Variants in CTXND1 observed in about 807,000 individuals in gnomAD.
CTXND1 encodes the protein cortexin domain-containing 1 protein.
At chr15:80,231,489 A>C (rs1321014456) in intron 1 of CTXND1, among the ~76,000 whole-genome samples, 1 of 152,220 alleles carries the variant, frequency 6.6e-6, no homozygotes, top group African/African-American at 2.4e-5. Context: ...CATGGCTCTA[A>C]ACCATGGGAG....
intron 1 of CTXND1, among the ~76,000 whole-genome samples, chr15:80,206,180 C>T (rs1417377943): frequency 1.3e-5 from 2 of 152,194 alleles, no homozygotes; most frequent in Non-Finnish European, 2.9e-5. Context: ...CATTAGTACA[C>T]TTCACTTCAA....
At chr15:80,216,099 C>G (rs906021503) in intron 1 of CTXND1, among the ~76,000 whole-genome samples, 2 of 152,192 alleles carry the variant, frequency 1.3e-5, no homozygotes, top group African/African-American at 4.8e-5. Flanking sequence ...CAACAATTCA[C>G]AAAATGGCAT....
At position 80,196,042 on chromosome 15, in the gene CTXND1, C is replaced by A. The variant is rs28438666; in HGVS notation, c.*5728G>T. 0.27 allele frequency: 40,860 copies of A among 152,040 alleles called. 5,716 individuals carry two copies. Among genetic ancestry groups the A allele is most frequent in the Middle Eastern group, 0.34 (100 of 294 alleles). The allele number at this position is 152,040 out of a possible 1,614,324, so 9.4% of individuals were successfully genotyped here. On this transcript the variant is annotated 3_prime_UTR_variant, in exon 3 of 3. Transcript: ENST00000560778. ...AAGGGAAAGTGGGGTTTCTGCTACA[C>A]AATAGGGGCAAGGAGTACTAGCTTT...
chr15:80,225,535 C>T lies in CTXND1; in HGVS notation c.-217-21795G>A, dbSNP rs549341153. 9.7e-4 allele frequency among the ~76,000 whole-genome samples: 147 copies of T among 152,200 alleles called. 1 individual carries two copies. Among genetic ancestry groups the T allele is most frequent in the African/African-American group, 3.3e-3 (138 of 41,512 alleles). On this transcript the variant is annotated intron_variant, in intron 1 of 2. Transcript: ENST00000560778. ...TTCCATATCTCTTATTTCTTTCTCT[C>T]ATAGGTTGTTACTTTTCCCATCCCT...
chr15:80,226,276 A>G (rs961130725), intron 1 of CTXND1, among the ~76,000 whole-genome samples: 1 of 152,236 alleles, frequency 6.6e-6, no homozygotes, highest in Non-Finnish European at 1.5e-5. Context: ...GCTAATGTCC[A>G]TAAGTCAACC....
At chr15:80,217,737 A>T (rs1893269620) in intron 1 of CTXND1, among the ~76,000 whole-genome samples, 1 of 151,830 alleles carries the variant, frequency 6.6e-6, no homozygotes, top group African/African-American at 2.4e-5. Flanking sequence ...TATAGAGTCA[A>T]GGTTTCACCA....
rs1200333523 is a variant in CTXND1, at chr15:80,196,719, GTGC to G, written c.*5048_*5050del. 1 of 152,244 alleles carries G rather than the reference GTGC, an allele frequency of 6.6e-6. No individual in the cohort carries two copies. The highest frequency in any genetic ancestry group is 2.4e-5 in the African/African-American group (1 of 41,464). The allele number at this position is 152,244 out of a possible 1,614,324, so 9.4% of individuals were successfully genotyped here. The stretch of plus-strand genomic sequence containing the variant: ...CTGCTAAGTGGTAATAAGATGAATT[GTGC>G]TGGTTTTTCTTCTTTTGCTCCAGTG... On this transcript the variant is annotated 3_prime_UTR_variant, in exon 3 of 3. Transcript: ENST00000560778.
intron 1 of CTXND1, among the ~76,000 whole-genome samples, chr15:80,239,991 G>A (rs1273200951): frequency 6.6e-6 from 1 of 152,082 alleles, no homozygotes; most frequent in Non-Finnish European, 1.5e-5. Context: ...TTGAGACGGA[G>A]TTTTGCTCTT....
At chr15:80,209,297 G>A (rs1893180790) in intron 1 of CTXND1, among the ~76,000 whole-genome samples, 1 of 152,202 alleles carries the variant, frequency 6.6e-6, no homozygotes, top group South Asian at 2.1e-4. Flanking sequence ...ACTCTGCTTT[G>A]AAGCAAGGAC....
At chr15:80,246,531 A>C (rs1488883431) in intron 1 of CTXND1, among the ~76,000 whole-genome samples, 2 of 152,220 alleles carry the variant, frequency 1.3e-5, no homozygotes, top group African/African-American at 2.4e-5. Flanking sequence ...GGAAATTATG[A>C]AGTGCCCTTG....
intron 1 of CTXND1, among the ~76,000 whole-genome samples, chr15:80,206,088 T>C (rs1282042051): frequency 1.3e-5 from 2 of 152,168 alleles, no homozygotes; most frequent in Admixed American, 6.5e-5. Flanking sequence ...TTGTTAACGT[T>C]TTGCTGCATT....
rs35871893 is a variant in CTXND1 at position 80,240,508 on chromosome 15, CT to C, written c.-218+11498del. Among the ~76,000 whole-genome samples the C allele has an allele frequency of 6.5e-3, 975 of 149,526 alleles. 9 individuals carry two copies. Among genetic ancestry groups the C allele is most frequent in the African/African-American group, 0.022 (881 of 39,492 alleles). On this transcript the variant is annotated intron_variant, in intron 1 of 2. Coordinates refer to ENST00000560778, the MANE Select transcript of CTXND1 (RefSeq NM_001352888.2). ...ACTTACTGTTGTGTGCCTGCCAACACTCCCCCCCCACCACCCAACAAATAAA... is the reference window on the plus strand; with the variant it reads ...ACTTACTGTTGTGTGCCTGCCAACACCCCCCCCCACCACCCAACAAATAAA...
chr15:80,226,845 T>C (rs1353281291), intron 1 of CTXND1, among the ~76,000 whole-genome samples: 1 of 152,230 alleles, frequency 6.6e-6, no homozygotes, highest in Non-Finnish European at 1.5e-5. Flanking sequence ...TTTCCATGAC[T>C]GCTACAGACT....
chr15:80,220,620 T>C (rs1219148244), intron 1 of CTXND1, among the ~76,000 whole-genome samples: 1 of 152,202 alleles, frequency 6.6e-6, no homozygotes, highest in African/African-American at 2.4e-5. Flanking sequence ...CATTTATGAT[T>C]TAATTAATAA....
rs934332068 is a variant in CTXND1, at chr15:80,196,611, A to G, written c.*5159T>C. 6.6e-6 allele frequency: 1 copy of G among 152,246 alleles called. No individual in the cohort carries two copies. The allele number at this position is 152,246 out of a possible 1,614,324, so 9.4% of individuals were successfully genotyped here. A position where few individuals can be genotyped will look rare whatever the true frequency, so the allele number is the denominator to read the frequency against. ...ACTAAATTGCTATCACCCCCAGACA[A>G]TATGGCTGCTGGTGAGATTTTATGT... On this transcript the variant is annotated 3_prime_UTR_variant, in exon 3 of 3. Coordinates refer to ENST00000560778, the MANE Select transcript of CTXND1 (RefSeq NM_001352888.2).
rs77673954 is a variant in CTXND1 at position 80,209,356 on chromosome 15, G to A, written c.-217-5616C>T. ...ACTGAACTCAGCTGTGGTTCCCTGG[G>A]AGCTGAGCTGCTGGCCTTCCCGGTG... On this transcript the variant is annotated intron_variant, in intron 1 of 2. Coordinates refer to ENST00000560778, the MANE Select transcript of CTXND1 (RefSeq NM_001352888.2). Among the ~76,000 whole-genome samples, 3,913 of 152,296 alleles carry A rather than the reference G, an allele frequency of 0.026. 333 individuals are homozygous for A. In the East Asian group the frequency reaches 0.28, roughly 11 times the overall value.
chr15:80,223,968 T>A (rs1672031523), intron 1 of CTXND1, among the ~76,000 whole-genome samples: 1 of 152,052 alleles, frequency 6.6e-6, no homozygotes, highest in African/African-American at 2.4e-5. Flanking sequence ...GTGGATAAAA[T>A]GAGGTAGAAA....
At chr15:80,214,685 G>T (rs915879098) in intron 1 of CTXND1, among the ~76,000 whole-genome samples, 1 of 152,064 alleles carries the variant, frequency 6.6e-6, no homozygotes, top group Admixed American at 6.5e-5. Flanking sequence ...ACTGAACAAA[G>T]GGAATTAAAT....
intron 1 of CTXND1, among the ~76,000 whole-genome samples, chr15:80,216,839 T>C (rs1024021178): frequency 1.3e-5 from 2 of 152,264 alleles, no homozygotes; most frequent in Non-Finnish European, 2.9e-5. Context: ...GGTCTCGAAC[T>C]CCTGACCTCA....
Sources: gnomAD v4.1 joint callset for allele counts (sites outside exome capture counted in the v4.1 genomes callset) on GRCh38, gnomAD v4.1.1 for gene constraint, MANE v1.5 for transcripts, NCBI Gene and HGNC (gene_info 2026-07-23, HGNC 2026-07-21) for gene names.